GRM7: variants seen among roughly 807,000 people sequenced by gnomAD.
GRM7 encodes the protein metabotropic glutamate receptor 7.
In GRM7, 35 loss-of-function variants were observed where a neutral mutation model predicts 84.5. The observed-to-expected ratio is 0.41, with a 90% CI of 0.32 to 0.55. The LOEUF is 0.55. Ranked by LOEUF, GRM7 falls within the 20% of genes least tolerant of loss-of-function variation. The probability of loss-of-function intolerance (pLI) is 0.19; values close to 1 mark genes in which losing one functional copy is unlikely to be tolerated. For synonymous variants in GRM7, 487 were observed against 455.1 expected, an observed-to-expected ratio of 1.07 and a Z score of -0.89; for missense variants, 1,003 against 1,194.6, an observed-to-expected ratio of 0.84 and a Z score of 2.36.
chr3:7,601,697 G>C (rs1696319540), intron 8 of GRM7, among the ~76,000 whole-genome samples: 1 of 152,108 alleles, frequency 6.6e-6, no homozygotes, highest in South Asian at 2.1e-4. Flanking sequence ...TATGTGGTCA[G>C]TGTCTCCAGG....
chr3:7,287,072 CA>C (rs1234297754), intron 2 of GRM7, among the ~76,000 whole-genome samples: 1 of 152,042 alleles, frequency 6.6e-6, no homozygotes, highest in Non-Finnish European at 1.5e-5. Flanking sequence ...CTTCCACCCC[CA>C]AAAACTGGCA....
At chr3:6,889,688 A>G (rs1695853906) in intron 1 of GRM7, among the ~76,000 whole-genome samples, 1 of 152,092 alleles carries the variant, frequency 6.6e-6, no homozygotes, top group African/African-American at 2.4e-5. Context: ...TTGGTCTAAA[A>G]TTCTCTTTTT....
At chr3:7,604,190 C>G (rs902691512) in intron 8 of GRM7, among the ~76,000 whole-genome samples, 10 of 150,412 alleles carry the variant, frequency 6.6e-5, no homozygotes, top group Non-Finnish European at 1.3e-4. Context: ...TAGTATTATG[C>G]TTATTACAGT....
In GRM7 at chr3:7,065,868, C is replaced by T. The variant is rs995409418; in HGVS notation, c.520-80584C>T. On this transcript the variant is annotated intron_variant, in intron 1 of 9. Transcript: ENST00000357716. ...AGTGGAATACAACTGGAAATCAACT[C>T]TAAAAGGAACCTTCATAATCATGTA... Among the ~76,000 whole-genome samples, 5 of 151,684 alleles carry T rather than the reference C, an allele frequency of 3.3e-5. No individual in the cohort carries two copies. In the East Asian group the frequency reaches 5.8e-4, roughly 18 times the overall value.
At chr3:6,873,960 A>G (rs1448016515) in intron 1 of GRM7, among the ~76,000 whole-genome samples, 3 of 152,254 alleles carry the variant, frequency 2.0e-5, no homozygotes, top group Non-Finnish European at 4.4e-5. Context: ...AAGGATAATC[A>G]GGCAATGGGC....
intron 1 of GRM7, among the ~76,000 whole-genome samples, chr3:7,124,278 C>A (rs1212018099): frequency 1.3e-5 from 2 of 152,178 alleles, no homozygotes; most frequent in Non-Finnish European, 2.9e-5. Flanking sequence ...AAATGTGGAG[C>A]ATAGCATGCT....
chr3:7,504,491 A>G (rs895570819), intron 7 of GRM7, among the ~76,000 whole-genome samples: 1 of 152,236 alleles, frequency 6.6e-6, no homozygotes, highest in Non-Finnish European at 1.5e-5. Context: ...TATAAAGAAA[A>G]GAAGTTTATT....
intron 1 of GRM7, among the ~76,000 whole-genome samples, chr3:6,998,205 G>A (rs1273505236): frequency 2.7e-5 from 4 of 146,012 alleles, no homozygotes; most frequent in African/African-American, 9.9e-5. Flanking sequence ...CATTCCAAAT[G>A]GGAGAAATTG....
rs114094170 is a variant in GRM7, at chr3:7,188,883, C to T, written c.736+42215C>T. 0.019 allele frequency among the ~76,000 whole-genome samples: 2,937 copies of T among 152,274 alleles called. 95 individuals carry two copies. The highest frequency in any genetic ancestry group is 0.065 in the African/African-American group (2,700 of 41,546). ...AGACACACCTGCTTCTTAACACCTA[C>T]GGTTTTAAAGAAATGCACAAATATT... On this transcript the variant is annotated intron_variant, in intron 2 of 9. Transcript: ENST00000357716. The surrounding 1 kb of genome is among the most constrained non-coding windows in gnomAD (Gnocchi z 4.2).
At chr3:7,640,973 A>T (rs1698340230) in intron 8 of GRM7, among the ~76,000 whole-genome samples, 1 of 152,164 alleles carries the variant, frequency 6.6e-6, no homozygotes, top group African/African-American at 2.4e-5. Flanking sequence ...ATAATTATAG[A>T]GCAACTGTTA....
chr3:7,143,731 T>C (rs1461819794), intron 1 of GRM7, among the ~76,000 whole-genome samples: 3 of 152,162 alleles, frequency 2.0e-5, no homozygotes, highest in Non-Finnish European at 4.4e-5. Context: ...GTATCTTTAT[T>C]AGCACCCTTT....
At chr3:7,036,102 AAT>A (rs1696376716) in intron 1 of GRM7, among the ~76,000 whole-genome samples, 1 of 152,186 alleles carries the variant, frequency 6.6e-6, no homozygotes, top group Non-Finnish European at 1.5e-5. Context: ...CAGAGACATA[AAT>A]GTATATCTTG....
At chr3:7,267,732 G>A (rs542179752) in intron 2 of GRM7, among the ~76,000 whole-genome samples, 2 of 152,314 alleles carry the variant, frequency 1.3e-5, no homozygotes, top group South Asian at 4.1e-4. Context: ...ACGGGCAATA[G>A]GGAGGGATGA....
chr3:6,872,797 C>A lies in GRM7; in HGVS notation c.519+10890C>A, dbSNP rs990440682. 4.6e-5 allele frequency among the ~76,000 whole-genome samples: 7 copies of A among 152,240 alleles called. 1 individual carries two copies. Among genetic ancestry groups the A allele is most frequent in the East Asian group, 3.9e-4 (2 of 5,170 alleles). On this transcript the variant is annotated intron_variant, in intron 1 of 9. Coordinates refer to ENST00000357716, the MANE Select transcript of GRM7 (RefSeq NM_000844.4). ...GTCCCTACAAAGGACATGAACGCAT[C>A]CATTTTTATGGCTGCATAGTATTCC... is the stretch of plus-strand genomic sequence containing the variant.
intron 7 of GRM7, among the ~76,000 whole-genome samples, chr3:7,512,939 A>G (rs886822985): frequency 1.4e-4 from 21 of 152,288 alleles, no homozygotes; most frequent in African/African-American, 5.1e-4. Context: ...AGGCAGGAAT[A>G]CCAATTAAGT....
At chr3:6,868,155 T>A (rs1694998921) in intron 1 of GRM7, among the ~76,000 whole-genome samples, 1 of 152,178 alleles carries the variant, frequency 6.6e-6, no homozygotes, top group Non-Finnish European at 1.5e-5. Flanking sequence ...CATATTCTCA[T>A]CCCATTGTTC....
At chr3:7,672,883 CCG>C (rs1251052394) in intron 8 of GRM7, among the ~76,000 whole-genome samples, 1 of 152,118 alleles carries the variant, frequency 6.6e-6, no homozygotes, top group Non-Finnish European at 1.5e-5. Context: ...GTGTGAGCCA[CCG>C]CGCCCAGCCT....
In GRM7 at chr3:7,405,425, A is replaced by G. The variant is rs567560933; in HGVS notation, c.1034-9598A>G. Reference sequence around the variant, plus strand: ...ATTTTGATACACATTATATGTAGTGATCAATCAGTAATTAGCATATTCATC... The same window carrying G: ...ATTTTGATACACATTATATGTAGTGGTCAATCAGTAATTAGCATATTCATC... On this transcript the variant is annotated intron_variant, in intron 4 of 9. Coordinates refer to ENST00000357716, the MANE Select transcript of GRM7 (RefSeq NM_000844.4). Among the ~76,000 whole-genome samples the G allele has an allele frequency of 2.2e-4, 33 of 152,304 alleles. No individual in the cohort carries two copies. In the South Asian group the frequency reaches 6.8e-3, roughly 32 times the overall value.
chr3:7,185,447 C>A (rs1164399565), intron 2 of GRM7, among the ~76,000 whole-genome samples: 1 of 152,052 alleles, frequency 6.6e-6, no homozygotes, highest in Non-Finnish European at 1.5e-5. Context: ...GTCTAAATAA[C>A]CATTTTGGCC....
Sources: allele counts gnomAD v4.1 joint callset (sites outside exome capture counted in the v4.1 genomes callset), GRCh38; gene constraint gnomAD v4.1.1; non-coding constraint Gnocchi (gnomAD v3.1); transcripts MANE v1.5; gene names NCBI Gene and HGNC (gene_info 2026-07-23, HGNC 2026-07-21).